The following RTP5 variants were observed in gnomAD, a reference collection of about 807,000 sequenced individuals.
The protein encoded by RTP5 is receptor transporter protein 5 (putative).
In RTP5, 30 loss-of-function variants were observed where a neutral mutation model predicts 23.5. The ratio of observed to expected loss-of-function variants is 1.27; its 90% CI spans 0.95 to 1.73. The LOEUF (loss-of-function observed/expected upper bound fraction) is 1.73. Among genes scored for constraint, RTP5 ranks in the 40% most tolerant of loss-of-function variants. RTP5 has a pLI of 0.00. For synonymous variants in RTP5, 354 were observed against 342.1 expected (o/e 1.03, Z -0.38); for missense variants, 807 against 784.2 (o/e 1.03, Z -0.35).
intron 1 of RTP5, chr2:241,871,113 G>GCAGGGTCC: frequency 2.1e-6 from 1 of 468,058 alleles, no homozygotes. Context: ...GTGACGCCCA[G>GCAGGGTCC]CAGGGCTGCC....
intron 1 of RTP5, among the ~76,000 whole-genome samples, 154 bp from the exon 2 acceptor site, chr2:241,871,559 TG>T (rs1234878094): frequency 2.0e-5 from 3 of 151,878 alleles, no homozygotes; most frequent in Admixed American, 6.6e-5. Flanking sequence ...CCTGGGTGGC[TG>T]GGGGGTGAGG....
Position 241,873,335 on chromosome 2 carries a change from C to A in RTP5, c.*61C>A. ...CCCGCCTCGCCTCTGAGACACCCCC[C>A]AACCCCGCCTTTGAGATGCCCGCCC... On this transcript the variant is annotated 3_prime_UTR_variant, in exon 2 of 2. Transcript: ENST00000343216. 6.6e-7 allele frequency: 1 copy of A among 1,505,156 alleles called. No homozygotes were observed. Among genetic ancestry groups the A allele is most frequent in the Non-Finnish European group, 8.8e-7 (1 of 1,131,148 alleles). The allele number at this position is 1,505,156 out of a possible 1,614,324, so 93.2% of individuals were successfully genotyped here.
In RTP5 at chr2:241,871,723, C is replaced by T. The variant is rs766509937; in HGVS notation, c.168C>T (p.Cys56=). 1.9e-5 allele frequency: 30 copies of T among 1,604,488 alleles called. No homozygotes were observed. The highest frequency in any genetic ancestry group is 5.1e-5 in the Admixed American group (3 of 58,856). The change falls in exon 2 of 2, where the codon TGC becomes TGT. Residue 56 remains cysteine (C), a synonymous_variant. Coordinates refer to ENST00000343216, the MANE Select transcript of RTP5 (RefSeq NM_173821.3). ...YLLVGLSRLQ[C]GHCPGTWDSA... Reference sequence around the variant, plus strand: ...TCTTTCCCCGCCGCAGGCTCCAGTGCGGTCACTGTCCGGGGACCTGGGACT... The same window carrying T: ...TCTTTCCCCGCCGCAGGCTCCAGTGTGGTCACTGTCCGGGGACCTGGGACT...
At chr2:241,870,365 C>A (rs1701295751) in intron 1 of RTP5, among the ~76,000 whole-genome samples, 1 of 152,246 alleles carries the variant, frequency 6.6e-6, no homozygotes, top group African/African-American at 2.4e-5. Context: ...CACAAGTGAG[C>A]CTCACAGGCC....
Position 241,873,048 on chromosome 2 carries a change from G to A in RTP5, c.1493G>A (p.Gly498Asp). ...GTTGCCTACGGCCCCCAGGGCAATG[G>A]CTGCTTCTCCCAAGGCTATTACCAG... ...GHVAYGPQGN[G>D]CFSQGYYQKR... The change falls in exon 2 of 2, where the codon GGC becomes GAC. Residue 498 changes from glycine to aspartate, a missense_variant. Physicochemically the swap from Gly to Asp is moderately conservative, Grantham distance 94. Coordinates refer to ENST00000343216, the MANE Select transcript of RTP5 (RefSeq NM_173821.3). The A allele has an allele frequency of 6.2e-7, 1 of 1,613,024 alleles. No individual in the cohort carries two copies. Among genetic ancestry groups the A allele is most frequent in the Non-Finnish European group, 8.5e-7 (1 of 1,179,872 alleles).
Position 241,872,249 on chromosome 2 carries a change from G to T in RTP5, c.694G>T (p.Val232Leu). The change falls in exon 2 of 2, where the codon GTG (valine) becomes TTG (leucine). Residue 232 changes from valine to leucine, a missense_variant. Val to Leu is a conservative substitution (Grantham distance 32, BLOSUM62 1). Coordinates refer to ENST00000343216, the MANE Select transcript of RTP5 (RefSeq NM_173821.3). ...CCCCCCTGCGGGGGCCTCTCTCCCT[G>T]TGACTGGCAGCTGTGAGGCCCTGGT... The part of the protein sequence containing the change: ...PAPPAGASLP[V>L]TGSCEALVIG... The T allele has an allele frequency of 6.2e-7, 1 of 1,604,156 alleles. No homozygotes were observed. Among genetic ancestry groups the T allele is most frequent in the Non-Finnish European group, 8.5e-7 (1 of 1,174,578 alleles).
Position 241,871,748 on chromosome 2 carries a change from T to A in RTP5, c.193T>A (p.Ser65Thr). 1 of 1,603,670 alleles carries A rather than the reference T, an allele frequency of 6.2e-7. No individual in the cohort carries two copies. ...CGGTCACTGTCCGGGGACCTGGGAC[T>A]CGGCCCATGTGCACGTCCTCTTCCA... is the stretch of plus-strand genomic sequence containing the variant. ...QCGHCPGTWDSAHVHVLFHLW... is the reference protein window; with the variant it reads ...QCGHCPGTWDTAHVHVLFHLW... Residue 65 changes from serine to threonine, a missense_variant, in exon 2 of 2, where the codon TCG becomes ACG. Physicochemically the swap from Ser to Thr is moderately conservative, Grantham distance 58. Coordinates refer to ENST00000343216, the MANE Select transcript of RTP5 (RefSeq NM_173821.3).
At position 241,873,100 on chromosome 2, in the gene RTP5, C is replaced by T; in HGVS notation, c.1545C>T (p.His515=). 1 of 1,612,804 alleles carries T rather than the reference C, an allele frequency of 6.2e-7. No homozygotes were observed. The highest frequency in any genetic ancestry group is 2.2e-5 in the East Asian group (1 of 44,882). ...YQKRQLRSRF[H]KARCGCRREE... ...AGAGGCAGCTGAGGTCCAGGTTCCA[C>T]AAGGCCCGCTGTGGGTGCCGCCGGG... Residue 515 remains histidine, a synonymous_variant, in exon 2 of 2, where the codon CAC becomes CAT. Coordinates refer to ENST00000343216, the MANE Select transcript of RTP5 (RefSeq NM_173821.3).
intron 1 of RTP5, among the ~76,000 whole-genome samples, chr2:241,870,683 G>A (rs1701301324): frequency 6.6e-6 from 1 of 152,240 alleles, no homozygotes; most frequent in African/African-American, 2.4e-5. Context: ...CCCGTGTTGG[G>A]GTCTGAGAAG....
chr2:241,873,042 G>A lies in RTP5; in HGVS notation c.1487G>A (p.Gly496Asp), dbSNP rs1479999050. The A allele has an allele frequency of 1.9e-6, 3 of 1,612,922 alleles. No homozygotes were observed. The highest frequency in any genetic ancestry group is 2.5e-6 in the Non-Finnish European group (3 of 1,179,894). Residue 496 changes from glycine (G) to aspartate (D), a missense_variant, in exon 2 of 2, where the codon GGC becomes GAC. Transcript: ENST00000343216. ...GGGHVAYGPQ[G>D]NGCFSQGYYQ... Reference sequence around the variant, plus strand: ...GGCCACGTTGCCTACGGCCCCCAGGGCAATGGCTGCTTCTCCCAAGGCTAT... The same window carrying A: ...GGCCACGTTGCCTACGGCCCCCAGGACAATGGCTGCTTCTCCCAAGGCTAT...
chr2:241,872,719 C>T lies in RTP5; in HGVS notation c.1164C>T (p.Asn388=), dbSNP rs767474591. The T allele has an allele frequency of 3.8e-6, 6 of 1,597,974 alleles. No individual in the cohort carries two copies. Among genetic ancestry groups the T allele is most frequent in the South Asian group, 2.2e-5 (2 of 89,272 alleles). Residue 388 remains asparagine, a synonymous_variant, in exon 2 of 2, where the codon AAC becomes AAT. Coordinates refer to ENST00000343216, the MANE Select transcript of RTP5 (RefSeq NM_173821.3). ...CCGTTGCTGAGGTGGCTGAAGGCAA[C>T]GGGAAGGAAGGAGGCGGCCAGGGCC... The part of the protein sequence containing the change: ...KDAVAEVAEG[N]GKEGGGQGLV...
intron 1 of RTP5, among the ~76,000 whole-genome samples, chr2:241,871,401 G>A (rs1309382797): frequency 6.6e-6 from 1 of 152,260 alleles, no homozygotes; most frequent in Non-Finnish European, 1.5e-5. Flanking sequence ...CTGCTGAGAG[G>A]AGGTTTGCTT....
rs754908254 is a variant in RTP5 at position 241,873,240 on chromosome 2, G to A, written c.1685G>A (p.Arg562Gln). ...GTCTTCTGGCTGATGTGCATGTGTC[G>A]GCTGAACCCCGGGATCTACCCGCAG... ...VCVFWLMCMC[R>Q]LNPGIYPQQV The change falls in exon 2 of 2, where the codon CGG becomes CAG. Residue 562 changes from arginine to glutamine, a missense_variant. Transcript: ENST00000343216. 179 of 1,594,502 alleles carry A rather than the reference G, an allele frequency of 1.1e-4. No individual in the cohort carries two copies. The highest frequency in any genetic ancestry group is 1.4e-4 in the Non-Finnish European group (168 of 1,175,044).
At chr2:241,870,201 C>T (rs1021885478) in intron 1 of RTP5, among the ~76,000 whole-genome samples, 1 of 152,236 alleles carries the variant, frequency 6.6e-6, no homozygotes, top group Admixed American at 6.5e-5. Flanking sequence ...GACACAGGCT[C>T]ATCTCCTGCT....
chr2:241,871,985 T>C lies in RTP5; in HGVS notation c.430T>C (p.Cys144Arg). The C allele has an allele frequency of 1.3e-6, 2 of 1,585,500 alleles. No individual in the cohort carries two copies. The highest frequency in any genetic ancestry group is 1.7e-6 in the Non-Finnish European group (2 of 1,164,890). The change falls in exon 2 of 2, where the codon TGT becomes CGT. Residue 144 changes from cysteine to arginine, a missense_variant. By Grantham distance (180) the Cys-to-Arg change is radical. Coordinates refer to ENST00000343216, the MANE Select transcript of RTP5 (RefSeq NM_173821.3). ...RHPREAYEGC[C>R]EACELGVCFL... is the part of the protein sequence containing the mutation. ...CCCCAGGGAGGCCTATGAGGGCTGC[T>C]GTGAGGCCTGTGAGCTGGGGGTCTG... is the stretch of plus-strand genomic sequence containing the variant.
Position 241,873,194 on chromosome 2 carries a change from TGG to T in RTP5, c.1641_1642del (p.Trp547CysfsTer88). 1 of 1,609,874 alleles carries T rather than the reference TGG, an allele frequency of 6.2e-7. No homozygotes were observed. The highest frequency in any genetic ancestry group is 8.5e-7 in the Non-Finnish European group (1 of 1,179,804). On this transcript the variant is annotated frameshift_variant, in exon 2 of 2. Transcript: ENST00000343216. LOFTEE classifies it high-confidence loss of function. ...HAEPYEDFWI[W>X]VSMTVCVFWL... Reference sequence around the variant, plus strand: ...CGAGCCCTACGAGGACTTCTGGATCTGGGTGTCCATGACCGTGTGCGTCTTCT... The same window carrying T: ...CGAGCCCTACGAGGACTTCTGGATCTGTGTCCATGACCGTGTGCGTCTTCT...
In RTP5 at chr2:241,872,156, G is replaced by C; in HGVS notation, c.601G>C (p.Val201Leu). 1 of 1,611,840 alleles carries C rather than the reference G, an allele frequency of 6.2e-7. No individual in the cohort carries two copies. The highest frequency in any genetic ancestry group is 8.5e-7 in the Non-Finnish European group (1 of 1,179,130). ...PGDDLGKGGV[V>L]IAIPFSLVGT... ...CGACGACCTTGGCAAGGGTGGCGTT[G>C]TCATCGCCATCCCCTTCTCCCTTGT... Residue 201 changes from valine (V) to leucine (L), a missense_variant, in exon 2 of 2, where the codon GTC (valine) becomes CTC (leucine). Val to Leu is a conservative substitution (Grantham distance 32, BLOSUM62 1). Coordinates refer to ENST00000343216, the MANE Select transcript of RTP5 (RefSeq NM_173821.3).
chr2:241,870,982 C>G (rs1396271772), intron 1 of RTP5: 1 of 471,172 alleles, frequency 2.1e-6, no homozygotes. Context: ...TAGCCTCTCA[C>G]TCATGCAGGG....
At position 241,872,668 on chromosome 2, in the gene RTP5, C is replaced by A; in HGVS notation, c.1113C>A (p.Pro371=). The part of the protein sequence containing the change: ...VATKEASITF[P]FIFTDVKDAV... ...CTAAAGAGGCCTCCATCACCTTCCCCTTCATCTTTACTGATGTCAAGGATG... is the reference window on the plus strand; with the variant it reads ...CTAAAGAGGCCTCCATCACCTTCCCATTCATCTTTACTGATGTCAAGGATG... Residue 371 remains proline (P), a synonymous_variant, in exon 2 of 2, where the codon CCC becomes CCA. Transcript: ENST00000343216. The A allele has an allele frequency of 1.3e-6, 2 of 1,599,024 alleles. No individual in the cohort carries two copies. Among genetic ancestry groups the A allele is most frequent in the Non-Finnish European group, 1.7e-6 (2 of 1,173,034 alleles).
Sources: allele counts gnomAD v4.1 joint callset (sites outside exome capture counted in the v4.1 genomes callset), GRCh38; gene constraint gnomAD v4.1.1; transcripts MANE v1.5; gene names NCBI Gene and HGNC (gene_info 2026-07-23, HGNC 2026-07-21).